The following RNF135 variants were observed in gnomAD, a reference collection of about 807,000 sequenced individuals.
RNF135 encodes the protein E3 ubiquitin-protein ligase RNF135.
Under a neutral mutation model 41.9 loss-of-function variants are expected in RNF135, and 46 were observed. That is an observed-to-expected ratio of 1.10 (90% CI 0.87 to 1.40). RNF135 has a LOEUF of 1.40. RNF135 is among the 40% of genes most tolerant of loss of function. RNF135 has a pLI of 0.00. For synonymous variants in RNF135, 238 were observed against 223.8 expected, an observed-to-expected ratio of 1.06 and a Z score of -0.57; for missense variants, 539 against 549.8, an observed-to-expected ratio of 0.98 and a Z score of 0.20.
intron 1 of RNF135, among the ~76,000 whole-genome samples, chr17:30,980,671 T>G (rs1907057095): frequency 7.4e-6 from 1 of 135,264 alleles, no homozygotes. Flanking sequence ...GAGACGCTCC[T>G]CACCTCCCAG....
At chr17:30,975,393 G>C (rs761056746) in intron 1 of RNF135, 13 of 762,156 alleles carry the variant, frequency 1.7e-5, no homozygotes, top group Non-Finnish European at 3.2e-5. Context: ...AAGATGCCAG[G>C]CTCAGAGGAT....
intron 1 of RNF135, among the ~76,000 whole-genome samples, chr17:30,982,759 A>G (rs1199440048): frequency 6.6e-6 from 1 of 152,196 alleles, no homozygotes; most frequent in Non-Finnish European, 1.5e-5. Context: ...TTAAGTATAC[A>G]GTTTGGTGAT....
rs1906343113 is a variant in RNF135, at chr17:30,975,277, C to G, written c.372+3832C>G. On this transcript the variant is annotated intron_variant, in intron 1 of 4. Coordinates refer to ENST00000328381, the MANE Select transcript of RNF135 (RefSeq NM_032322.4). ...GGTTGAGGCTGCAGTGAGCTGTTTTCATGTCACTGCACTCCAGCCTGGGCA... is the reference window on the plus strand; with the variant it reads ...GGTTGAGGCTGCAGTGAGCTGTTTTGATGTCACTGCACTCCAGCCTGGGCA... 6 of 569,376 alleles carry G rather than the reference C, an allele frequency of 1.1e-5. 1 individual carries two copies. In the South Asian group the frequency reaches 1.2e-4, roughly 11 times the overall value. The allele number at this position is 569,376 out of a possible 1,614,324, so 35.3% of individuals were successfully genotyped here. A position where few individuals can be genotyped will look rare whatever the true frequency, so the allele number is the denominator to read the frequency against.
chr17:30,986,832 G>A (rs1907623027), intron 2 of RNF135, among the ~76,000 whole-genome samples: 2 of 152,170 alleles, frequency 1.3e-5, no homozygotes, highest in African/African-American at 4.8e-5. Context: ...TAAAATGTGG[G>A]ATGTTATAAT....
intron 3 of RNF135, among the ~76,000 whole-genome samples, chr17:30,989,419 C>T (rs1907834069): frequency 6.6e-6 from 1 of 152,096 alleles, no homozygotes; most frequent in Admixed American, 6.6e-5. Context: ...AAAATATAAT[C>T]TCTGGGGAGT....
At chr17:30,969,337 T>A (rs1905696690), upstream of RNF135, 1 of 152,240 alleles carries the variant, frequency 6.6e-6, no homozygotes, top group Admixed American at 6.5e-5. Context: ...AAGATCCAGG[T>A]AATACATCAG....
At position 30,998,927 on chromosome 17, in the gene RNF135, C is replaced by T. The variant is rs1284684364; in HGVS notation, c.1035C>T (p.Asp345=). 1 of 1,613,760 alleles carries T rather than the reference C, an allele frequency of 6.2e-7. No individual in the cohort carries two copies. The highest frequency in any genetic ancestry group is 8.5e-7 in the Non-Finnish European group (1 of 1,179,784). ...SRDQVLGRTM[D]SCCVEWKGTS... Reference sequence around the variant, plus strand: ...ACCAGGTCCTGGGAAGGACTATGGACTCTTGTTGTGTGGAATGGAAGGGGA... The same window carrying T: ...ACCAGGTCCTGGGAAGGACTATGGATTCTTGTTGTGTGGAATGGAAGGGGA... Residue 345 remains aspartate, a synonymous_variant, in exon 5 of 5, where the codon GAC becomes GAT. Transcript: ENST00000328381.
In RNF135 at chr17:30,986,981, C is replaced by G. The variant is rs190263835; in HGVS notation, c.517-963C>G. ...CAATATCTAGCATGTAGAAAACACT[C>G]AATAAGTGTAATACTACCGTATTTT... is the stretch of plus-strand genomic sequence containing the variant. On this transcript the variant is annotated intron_variant, in intron 2 of 4. Coordinates refer to ENST00000328381, the MANE Select transcript of RNF135 (RefSeq NM_032322.4). 7.5e-4 allele frequency among the ~76,000 whole-genome samples: 114 copies of G among 152,100 alleles called. 1 individual carries two copies. Among genetic ancestry groups the G allele is most frequent in the African/African-American group, 2.7e-3 (112 of 41,488 alleles).
In RNF135 at chr17:30,999,342, G is replaced by A. The variant is rs1908588687; in HGVS notation, c.*151G>A. ...TTGCCCAGGCTGGTGTCGAATTCCTGGTCTCAAGCAGTCCTCCCACCTCAG... is the reference window on the plus strand; with the variant it reads ...TTGCCCAGGCTGGTGTCGAATTCCTAGTCTCAAGCAGTCCTCCCACCTCAG... On this transcript the variant is annotated 3_prime_UTR_variant, in exon 5 of 5. Transcript: ENST00000328381. 4.7e-6 allele frequency: 4 copies of A among 847,044 alleles called. No individual in the cohort carries two copies. The highest frequency in any genetic ancestry group is 1.7e-5 in the African/African-American group (1 of 59,598). 52.5% of individuals were successfully genotyped at this position (847,044 alleles called of 1,614,324 possible).
At chr17:30,969,727 G>A (rs962520788), upstream of RNF135, among the ~76,000 whole-genome samples, 14 of 149,934 alleles carry the variant, frequency 9.3e-5, no homozygotes, top group African/African-American at 3.4e-4. Context: ...AACCACAAAC[G>A]CTTTTTTTTC....
At chr17:30,966,383 G>T (rs28897076), upstream of RNF135, among the ~76,000 whole-genome samples, 29 of 146,682 alleles carry the variant, frequency 2.0e-4, no homozygotes, top group African/African-American at 7.2e-4. Context: ...TAATTTTTAA[G>T]TTTTATTTTA....
the RNF135 span, among the ~76,000 whole-genome samples, chr17:30,961,433 C>T: frequency 6.6e-6 from 1 of 151,604 alleles, no homozygotes; most frequent in African/African-American, 2.4e-5. Flanking sequence ...TGCGGTTCAC[C>T]TCCCCTCCCC....
chr17:30,976,670 T>G (rs1336872463), intron 1 of RNF135, among the ~76,000 whole-genome samples: 5 of 152,228 alleles, frequency 3.3e-5, no homozygotes, highest in Admixed American at 3.3e-4. Context: ...TGTTATATCT[T>G]CTTACTGAAT....
At position 30,971,302 on chromosome 17, in the gene RNF135, C is replaced by G. The variant is rs948993754; in HGVS notation, c.229C>G (p.Leu77Val). 6.5e-7 allele frequency: 1 copy of G among 1,532,742 alleles called. No homozygotes were observed. The highest frequency in any genetic ancestry group is 2.0e-5 in the Admixed American group (1 of 50,388). The allele number at this position is 1,532,742 out of a possible 1,614,324, so 94.9% of individuals were successfully genotyped here. The change falls in exon 1 of 5, where the codon CTA becomes GTA. Residue 77 changes from leucine to valine, a missense_variant. Coordinates refer to ENST00000328381, the MANE Select transcript of RNF135 (RefSeq NM_032322.4). ...GCAGCCGCACCTGCGGAAGAACACG[C>G]TACTGCAGGACCTGGCCGACAAGTA... is the stretch of plus-strand genomic sequence containing the variant. ...AQQPHLRKNTLLQDLADKYRR... is the reference protein window; with the variant it reads ...AQQPHLRKNTVLQDLADKYRR...
intron 1 of RNF135, chr17:30,975,773 C>T (rs1057106643): frequency 1.3e-5 from 15 of 1,122,300 alleles, no homozygotes; most frequent in Non-Finnish European, 1.9e-5. Context: ...ACCCTCTTTC[C>T]AGCTCATCCT....
chr17:30,985,917 C>T (rs1237530144), intron 2 of RNF135, among the ~76,000 whole-genome samples: 4 of 152,120 alleles, frequency 2.6e-5, no homozygotes, highest in Non-Finnish European at 5.9e-5. Flanking sequence ...TCACGTCTTC[C>T]CACTACAGGG....
intron 2 of RNF135, among the ~76,000 whole-genome samples, chr17:30,986,386 G>A (rs1487106482): frequency 9.2e-5 from 14 of 152,078 alleles, no homozygotes; most frequent in Non-Finnish European, 1.6e-4. Context: ...TAGTAGAGAC[G>A]GGGTTTCACC....
intron 1 of RNF135, chr17:30,971,761 A>G: frequency 8.5e-7 from 1 of 1,175,298 alleles, no homozygotes; most frequent in Admixed American, 4.6e-5. Flanking sequence ...GATCTATATA[A>G]CATTAAAACT....
At chr17:30,989,771 G>A (rs1031385953) in intron 3 of RNF135, among the ~76,000 whole-genome samples, 27 of 152,108 alleles carry the variant, frequency 1.8e-4, no homozygotes, top group South Asian at 6.2e-4. Context: ...AGGCCGAGGC[G>A]TGTGGATCAC....
Sources: allele counts gnomAD v4.1 joint callset (sites outside exome capture counted in the v4.1 genomes callset), GRCh38; gene constraint gnomAD v4.1.1; transcripts MANE v1.5; gene names NCBI Gene and HGNC (gene_info 2026-07-23, HGNC 2026-07-21).